The following CACNA1C variants were observed in gnomAD, a reference collection of about 807,000 sequenced individuals.
CACNA1C encodes voltage-dependent L-type calcium channel subunit alpha-1C.
Under a neutral mutation model 229.0 loss-of-function variants are expected in CACNA1C, and 30 were observed. That is an observed-to-expected ratio of 0.13 (90% CI 0.10 to 0.18). The LOEUF (loss-of-function observed/expected upper bound fraction) is 0.18. Ranked by LOEUF, CACNA1C falls within the 10% of genes least tolerant of loss-of-function variation. CACNA1C has a pLI of 1.00. For missense variants in CACNA1C, 1,658 were observed against 2,845.0 expected (o/e 0.58, Z 9.49); for synonymous variants, 1,114 against 1,132.5 (o/e 0.98, Z 0.33).
chr12:2,561,754 A>G (rs10848676), intron 11 of CACNA1C, among the ~76,000 whole-genome samples: 36,699 of 151,966 alleles, frequency 0.24, 5,646 homozygotes, highest in African/African-American at 0.44. Context: ...GTTTAGAGAC[A>G]TAGATGAGAC....
rs1393294693 is a variant in CACNA1C, at chr12:2,585,439, G to A, written c.2403G>A (p.Glu801=). 3 of 1,603,356 alleles carry A rather than the reference G, an allele frequency of 1.9e-6. No homozygotes were observed. Among genetic ancestry groups the A allele is most frequent in the African/African-American group, 1.3e-5 (1 of 74,876 alleles). Residue 801 remains glutamate (E), a synonymous_variant, in exon 17 of 47, where the codon GAG becomes GAA. Coordinates refer to ENST00000399655, the MANE Select transcript of CACNA1C (RefSeq NM_000719.7). This position sits in a 1 kb window ranked among gnomAD's most constrained non-coding sequence, Gnocchi z 4.1. ...VEKPAVGESK[E]EKIELKSITA... is the part of the protein sequence containing the mutation. ...AGCCGGCAGTGGGGGAATCCAAGGA[G>A]GAGAAGATTGAGCTGAAATCCATCA...
Position 2,585,064 on chromosome 12 carries a change from C to T in CACNA1C, c.2340-312C>T, listed in dbSNP as rs1023434768. Among the ~76,000 whole-genome samples the T allele has an allele frequency of 6.6e-6, 1 of 152,164 alleles. No individual in the cohort carries two copies. Among genetic ancestry groups the T allele is most frequent in the African/African-American group, 2.4e-5 (1 of 41,446 alleles). On this transcript the variant is annotated intron_variant, in intron 16 of 46. Transcript: ENST00000399655. This position sits in a 1 kb window ranked among gnomAD's most constrained non-coding sequence, Gnocchi z 4.1. Reference sequence around the variant, plus strand: ...GGGACAGTTCCAGGCCACACAGCTGCCGGGCACTGAGCAGAGCTCCTCCAG... The same window carrying T: ...GGGACAGTTCCAGGCCACACAGCTGTCGGGCACTGAGCAGAGCTCCTCCAG...
At chr12:2,583,078 G>A (rs1351938848) in intron 15 of CACNA1C, 136 bp downstream of exon 15, 2 of 633,608 alleles carry the variant, frequency 3.2e-6, no homozygotes, top group East Asian at 2.8e-5. Flanking sequence ...CCATGGCGGC[G>A]GAGGTGGGTC....
At chr12:2,312,814 A>ATTT (rs371489291) in intron 3 of CACNA1C, among the ~76,000 whole-genome samples, 86 of 150,084 alleles carry the variant, frequency 5.7e-4, no homozygotes, top group African/African-American at 2.1e-3. Flanking sequence ...AGCCTCAGGG[A>ATTT]TTTTTTTTTT....
chr12:2,365,394 T>C (rs2154534162), intron 3 of CACNA1C, among the ~76,000 whole-genome samples: 1 of 152,342 alleles, frequency 6.6e-6, no homozygotes, highest in African/African-American at 2.4e-5. Context: ...GTGTTGATTT[T>C]ATTAAGGCAC....
chr12:2,417,041 A>G (rs1469996853), intron 3 of CACNA1C, among the ~76,000 whole-genome samples: 2 of 152,190 alleles, frequency 1.3e-5, no homozygotes, highest in Admixed American at 6.5e-5. Flanking sequence ...TCTCTTAAAC[A>G]TGCTTGCAGT....
At chr12:2,325,986 A>G (rs2096273171) in intron 3 of CACNA1C, among the ~76,000 whole-genome samples, 4 of 152,234 alleles carry the variant, frequency 2.6e-5, no homozygotes, top group African/African-American at 7.2e-5. Flanking sequence ...CAGCCTGGCC[A>G]GCCCCCTGAG....
chr12:2,531,418 C>T (rs967319972), intron 9 of CACNA1C, among the ~76,000 whole-genome samples: 9 of 152,188 alleles, frequency 5.9e-5, no homozygotes, highest in Non-Finnish European at 7.3e-5. Flanking sequence ...CAACCCTTTC[C>T]TCTCTGGGCC....
chr12:2,433,449 C>G (rs1458464962), intron 3 of CACNA1C, among the ~76,000 whole-genome samples: 1 of 152,198 alleles, frequency 6.6e-6, no homozygotes, highest in East Asian at 1.9e-4. Flanking sequence ...TAGCCCTTCT[C>G]TGCCTCCATT....
At chr12:2,213,834 C>A (rs74059805) in intron 3 of CACNA1C, among the ~76,000 whole-genome samples, 3,075 of 152,364 alleles carry the variant, frequency 0.02, 121 homozygotes, top group African/African-American at 0.07. Context: ...TGCTCTCGCA[C>A]TGCCCCTCCT....
At chr12:2,298,287 A>G (rs554036268) in intron 3 of CACNA1C, among the ~76,000 whole-genome samples, 4 of 152,306 alleles carry the variant, frequency 2.6e-5, no homozygotes, top group Non-Finnish European at 5.9e-5. Context: ...TTACAACGCA[A>G]GCATCTCTCA....
At chr12:2,483,728 G>A (rs1033940706) in intron 5 of CACNA1C, among the ~76,000 whole-genome samples, 4 of 152,098 alleles carry the variant, frequency 2.6e-5, no homozygotes, top group Non-Finnish European at 2.9e-5. Flanking sequence ...CAGCCTGGAC[G>A]GGGATGTGAG....
At chr12:2,008,026 G>A (rs11062060) in intron 1 of CACNA1C, among the ~76,000 whole-genome samples, 2,390 of 152,192 alleles carry the variant, frequency 0.016, 63 homozygotes, top group African/African-American at 0.055. Flanking sequence ...AAACATTATT[G>A]CAATTGAACA....
At chr12:2,509,499 G>A (rs73250496) in intron 8 of CACNA1C, among the ~76,000 whole-genome samples, 13,285 of 152,168 alleles carry the variant, frequency 0.087, 609 homozygotes, top group African/African-American at 0.11. Context: ...CTTGTTTTAA[G>A]TGTGTTTCTA....
intron 3 of CACNA1C, among the ~76,000 whole-genome samples, chr12:2,344,453 T>C (rs2096950298): frequency 6.6e-6 from 1 of 152,160 alleles, no homozygotes; most frequent in East Asian, 1.9e-4. Context: ...CTGTCCCCTC[T>C]CTTCTCTTAT....
chr12:2,165,354 A>C (rs1040157509), intron 3 of CACNA1C, among the ~76,000 whole-genome samples: 1 of 152,214 alleles, frequency 6.6e-6, no homozygotes, highest in Admixed American at 6.5e-5. Context: ...GAACTACCAA[A>C]AGCAACAGAC....
intron 6 of CACNA1C, among the ~76,000 whole-genome samples, chr12:2,490,277 T>C (rs2099715018): frequency 6.6e-6 from 1 of 152,248 alleles, no homozygotes; most frequent in African/African-American, 2.4e-5. Context: ...TGTTTTCCTT[T>C]CTCGAGGACA....
At chr12:2,656,792 T>C (rs1003505916) in intron 34 of CACNA1C, among the ~76,000 whole-genome samples, 5 of 152,210 alleles carry the variant, frequency 3.3e-5, no homozygotes, top group African/African-American at 9.6e-5. Flanking sequence ...TTACAGCCAG[T>C]TGATTTTCGA....
intron 29 of CACNA1C, chr12:2,612,953 C>A (rs1011513590): frequency 6.6e-6 from 1 of 152,238 alleles, no homozygotes; most frequent in Non-Finnish European, 1.5e-5. Flanking sequence ...AGACTTGAGA[C>A]AATCTCTCCA....
Sources: allele counts gnomAD v4.1 joint callset (sites outside exome capture counted in the v4.1 genomes callset), GRCh38; gene constraint gnomAD v4.1.1; non-coding constraint Gnocchi (gnomAD v3.1); transcripts MANE v1.5; gene names NCBI Gene and HGNC (gene_info 2026-07-23, HGNC 2026-07-21).